ZNF75D: variants seen among roughly 807,000 people sequenced by gnomAD.
ZNF75D encodes the protein zinc finger protein 75D, also known as zinc finger protein 75.
Under a neutral mutation model 33.3 loss-of-function variants are expected in ZNF75D, and 33 were observed. That is an observed-to-expected ratio of 0.99 (90% CI 0.75 to 1.32). ZNF75D has a LOEUF of 1.32. Among genes scored for constraint, ZNF75D ranks in the 40% most tolerant of loss-of-function variants. The pLI is 0.00. For synonymous variants in ZNF75D, 113 were observed against 130.6 expected (o/e 0.87, Z 0.92); for missense variants, 338 against 367.5 (o/e 0.92, Z 0.66).
At chrX:135,279,843 T>C (rs1330580107) in intron 1 of ZNF75D, among the ~76,000 whole-genome samples, 1 of 112,141 alleles carries the variant, frequency 8.9e-6, no homozygotes, top group Non-Finnish European at 1.9e-5. Context: ...TGCACTGTGG[T>C]CTGAGAGACT....
At position 135,293,714 on chromosome X, in the gene ZNF75D, C is replaced by G. The variant is rs5978119; in HGVS notation, c.411+16G>C. ...TATCCTACTTCATTGTACATGTAGG[C>G]AATCTTTCTTCTTACCTCATTCTTT... On this transcript the variant is annotated intron_variant, in intron 3 of 6. Coordinates refer to ENST00000370766, the MANE Select transcript of ZNF75D (RefSeq NM_007131.5). 0.26 allele frequency: 297,143 copies of G among 1,150,346 alleles called. 27,537 individuals carry two copies. The highest frequency in any genetic ancestry group is 0.34 in the Middle Eastern group (1,384 of 4,088). The allele number at this position is 1,150,346 out of a possible 1,213,427, so 94.8% of individuals were successfully genotyped here. A position where few individuals can be genotyped will look rare whatever the true frequency, so the allele number is the denominator to read the frequency against.
downstream of ZNF75D, among the ~76,000 whole-genome samples, chrX:135,280,916 T>C (rs781927384): frequency 6.7e-4 from 75 of 111,935 alleles, no homozygotes; most frequent in African/African-American, 2.4e-3. Flanking sequence ...TGGCTGCCCT[T>C]AACATTTTTT....
At chrX:135,318,697 A>G (rs1180711304) in intron 1 of ZNF75D, among the ~76,000 whole-genome samples, 1 of 111,605 alleles carries the variant, frequency 9.0e-6, no homozygotes, top group African/African-American at 3.3e-5. Flanking sequence ...ATTCCAGACA[A>G]AAGATGCCTT....
Position 135,288,950 on chromosome X carries a change from T to C in ZNF75D, c.824-1104A>G, listed in dbSNP as rs1556420474. ...GTTAAGGTTTTCTGTTTTGTTTTGT[T>C]TTTTATATATATCAAAATAATCAGT... On this transcript the variant is annotated intron_variant, in intron 6 of 6. Coordinates refer to ENST00000370766, the MANE Select transcript of ZNF75D (RefSeq NM_007131.5). Among the ~76,000 whole-genome samples, 3 of 112,391 alleles carry C rather than the reference T, an allele frequency of 2.7e-5. No homozygotes were observed. In the Admixed American group the frequency reaches 2.8e-4, roughly 11 times the overall value.
intron 1 of ZNF75D, among the ~76,000 whole-genome samples, chrX:135,333,944 A>G (rs938462278): frequency 8.9e-6 from 1 of 112,015 alleles, no homozygotes; most frequent in Admixed American, 9.5e-5. Context: ...TCATCTTTTC[A>G]TCGCTATGAA....
At chrX:135,307,471 C>T (rs1386007737) in intron 1 of ZNF75D, among the ~76,000 whole-genome samples, 1 of 111,801 alleles carries the variant, frequency 8.9e-6, no homozygotes, top group Non-Finnish European at 1.9e-5. Flanking sequence ...ATCCCTCTGA[C>T]AGCCTGGAAA....
chrX:135,288,434 C>G (rs1234352278), intron 6 of ZNF75D, among the ~76,000 whole-genome samples: 1 of 112,265 alleles, frequency 8.9e-6, no homozygotes, highest in Non-Finnish European at 1.9e-5. Context: ...TACTTTGTAA[C>G]TCAGAAGGCT....
chrX:135,294,131 T>G lies in ZNF75D; in HGVS notation c.10A>C (p.Arg4=). ...GAGCATGAATCCGCGTTCAGCTCTC[T>G]CATCGCCATTTGCTCTAGGAACAGT... MAM[R]ELNADSCSSP... The change falls in exon 3 of 7, where the codon AGA becomes CGA. Residue 4 remains arginine (R), a synonymous_variant. Transcript: ENST00000370766. 2.5e-6 allele frequency: 3 copies of G among 1,189,165 alleles called. No individual in the cohort carries two copies. Among genetic ancestry groups the G allele is most frequent in the Non-Finnish European group, 3.4e-6 (3 of 884,676 alleles).
intron 1 of ZNF75D, among the ~76,000 whole-genome samples, chrX:135,258,351 G>C (rs1556414819): frequency 9.1e-6 from 1 of 110,355 alleles, no homozygotes; most frequent in Non-Finnish European, 1.9e-5. Context: ...TCTAGTTCTA[G>C]ATCCTTGAGG....
intron 1 of ZNF75D, among the ~76,000 whole-genome samples, chrX:135,331,872 C>T (rs1417207866): frequency 2.7e-5 from 3 of 111,815 alleles, no homozygotes; most frequent in Non-Finnish European, 3.8e-5. Context: ...CTGTCCCTGT[C>T]GCCTTCTCTG....
intron 1 of ZNF75D, among the ~76,000 whole-genome samples, chrX:135,267,088 C>T (rs2083865828): frequency 9.0e-6 from 1 of 110,858 alleles, no homozygotes; most frequent in Non-Finnish European, 1.9e-5. Context: ...GCCCAACATA[C>T]CAAAACATAT....
At chrX:135,320,949 T>C (rs1195794648) in intron 1 of ZNF75D, among the ~76,000 whole-genome samples, 1 of 111,387 alleles carries the variant, frequency 9.0e-6, no homozygotes, top group Non-Finnish European at 1.9e-5. Context: ...GGGGGGGTTA[T>C]CTTAGTCCAT....
intron 1 of ZNF75D, among the ~76,000 whole-genome samples, chrX:135,325,424 C>G (rs2084551350): frequency 9.0e-6 from 1 of 111,238 alleles, no homozygotes; most frequent in East Asian, 2.9e-4. Context: ...AAGGCCAGAG[C>G]CGGCTCCCTC....
chrX:135,282,366 G>C (rs377591540), downstream of ZNF75D, among the ~76,000 whole-genome samples: 60 of 111,740 alleles, frequency 5.4e-4, no homozygotes, highest in South Asian at 0.019. Flanking sequence ...GTACCAGGTC[G>C]ACTTCAGACT....
At chrX:135,330,148 C>A (rs1569495145) in intron 1 of ZNF75D, among the ~76,000 whole-genome samples, 1 of 111,627 alleles carries the variant, frequency 9.0e-6, no homozygotes, top group Non-Finnish European at 1.9e-5. Flanking sequence ...AGATACAGAC[C>A]CGTGTGTATG....
intron 3 of ZNF75D, among the ~76,000 whole-genome samples, chrX:135,293,482 C>T (rs1463478015): frequency 1.1e-4 from 12 of 111,592 alleles, no homozygotes; most frequent in African/African-American, 3.9e-4. Flanking sequence ...GGCCCACCAC[C>T]ATCAATTCAC....
intron 1 of ZNF75D, among the ~76,000 whole-genome samples, chrX:135,331,873 G>A (rs377074530): frequency 3.6e-5 from 4 of 111,527 alleles, no homozygotes; most frequent in African/African-American, 6.5e-5. Context: ...TGTCCCTGTC[G>A]CCTTCTCTGT....
intron 1 of ZNF75D, among the ~76,000 whole-genome samples, chrX:135,320,622 A>G (rs1556433926): frequency 8.9e-6 from 1 of 111,842 alleles, no homozygotes; most frequent in African/African-American, 3.3e-5. Flanking sequence ...ATATTAGGTA[A>G]CTTTTTAAAA....
intron 1 of ZNF75D, among the ~76,000 whole-genome samples, chrX:135,332,013 T>C (rs1285263601): frequency 9.0e-6 from 1 of 110,833 alleles, no homozygotes; most frequent in Non-Finnish European, 1.9e-5. Context: ...GCACTGTTGG[T>C]GGGAACACTG....
Sources: allele counts gnomAD v4.1 joint callset (sites outside exome capture counted in the v4.1 genomes callset), GRCh38; gene constraint gnomAD v4.1.1; transcripts MANE v1.5; gene names NCBI Gene and HGNC (gene_info 2026-07-23, HGNC 2026-07-21).